The following MAP3K21 variants were observed in gnomAD, a reference collection of about 807,000 sequenced individuals.
MAP3K21 encodes the protein mitogen-activated protein kinase kinase kinase MLK4.
A neutral mutation model predicts 86.1 loss-of-function variants in MAP3K21; 63 were observed. The ratio of observed to expected loss-of-function variants is 0.73; its 90% CI spans 0.60 to 0.90. The LOEUF (loss-of-function observed/expected upper bound fraction) is 0.90. Among genes scored for constraint, MAP3K21 ranks in the 40% least tolerant of loss-of-function variants. MAP3K21 has a pLI of 0.00. For missense variants in MAP3K21, 1,220 were observed against 1,367.7 expected (o/e 0.89, Z 1.70); for synonymous variants, 558 against 564.8 (o/e 0.99, Z 0.17).
chr1:233,362,989 A>G (rs1367063956), intron 5 of MAP3K21, among the ~76,000 whole-genome samples: 1 of 152,188 alleles, frequency 6.6e-6, no homozygotes, highest in Non-Finnish European at 1.5e-5. Flanking sequence ...TATAGCAGAC[A>G]TAGCTTGATT....
intron 2 of MAP3K21, among the ~76,000 whole-genome samples, chr1:233,351,085 TTTAG>T (rs1196057160): frequency 7.2e-6 from 1 of 139,722 alleles, no homozygotes; most frequent in African/African-American, 2.7e-5. Flanking sequence ...TTTAGACAAT[TTTAG>T]TTATTCTATG....
In MAP3K21 at chr1:233,379,647, GCTT is replaced by G. The variant is rs1326570595; in HGVS notation, c.2646_2648del (p.Ser883del). 1 of 1,613,806 alleles carries G rather than the reference GCTT, an allele frequency of 6.2e-7. No homozygotes were observed. Among genetic ancestry groups the G allele is most frequent in the African/African-American group, 1.3e-5 (1 of 74,916 alleles). Reference sequence around the variant, plus strand: ...GACATGTGGGAATGTACCTTACTGTGCTTCTTCAAAACATAGACCGTCACATCA... The same window carrying G: ...GACATGTGGGAATGTACCTTACTGTGCTTCAAAACATAGACCGTCACATCA... On this transcript the variant is annotated inframe_deletion, in exon 9 of 10. Coordinates refer to ENST00000366624, the MANE Select transcript of MAP3K21 (RefSeq NM_032435.3).
chr1:233,366,535 G>C (rs946503121), intron 5 of MAP3K21, among the ~76,000 whole-genome samples: 8 of 152,102 alleles, frequency 5.3e-5, no homozygotes, highest in African/African-American at 1.9e-4. Context: ...ATGGCACACT[G>C]TTCAGGGAGA....
chr1:233,356,247 A>C (rs138386166), intron 4 of MAP3K21, among the ~76,000 whole-genome samples: 45 of 152,258 alleles, frequency 3.0e-4, no homozygotes, highest in Middle Eastern at 3.4e-3. Context: ...CTGTATTAAT[A>C]CTTGCTGACG....
At chr1:233,361,837 C>T (rs753200462) in intron 4 of MAP3K21, among the ~76,000 whole-genome samples, 5 of 152,104 alleles carry the variant, frequency 3.3e-5, no homozygotes, top group Non-Finnish European at 7.4e-5. Context: ...GTGAATAATC[C>T]GCTGAAAAGG....
chr1:233,382,176 G>GT, intron 9 of MAP3K21, 129 bp from the exon 10 acceptor site: 1 of 828,730 alleles, frequency 1.2e-6, no homozygotes, highest in South Asian at 1.8e-5. Flanking sequence ...GTGAATGCAT[G>GT]TTTTTTGTTG....
chr1:233,354,004 T>C, intron 3 of MAP3K21, 49 bp downstream of exon 3: 2 of 1,387,116 alleles, frequency 1.4e-6, no homozygotes, highest in Non-Finnish European at 1.9e-6. Context: ...AATTTCTCAT[T>C]AGAATATCAT....
In MAP3K21 at chr1:233,379,381, C is replaced by G; in HGVS notation, c.2375C>G (p.Ser792Cys). ...TGTGGGGAGGCCAGCAGCCCACCCTCCCTGCCACTGTCAAGTGCCCTGGGC... is the reference window on the plus strand; with the variant it reads ...TGTGGGGAGGCCAGCAGCCCACCCTGCCTGCCACTGTCAAGTGCCCTGGGC... ...STCGEASSPP[S>C]LPLSSALGIL... Residue 792 changes from serine (S) to cysteine (C), a missense_variant, in exon 9 of 10, where the codon TCC (serine) becomes TGC (cysteine). Ser to Cys is a moderately radical substitution (Grantham distance 112, BLOSUM62 -1). Transcript: ENST00000366624. 1.9e-6 allele frequency: 3 copies of G among 1,614,212 alleles called. No individual in the cohort carries two copies. The highest frequency in any genetic ancestry group is 2.5e-6 in the Non-Finnish European group (3 of 1,180,020).
At chr1:233,364,154 G>A (rs1242745313) in intron 5 of MAP3K21, among the ~76,000 whole-genome samples, 1 of 151,574 alleles carries the variant, frequency 6.6e-6, no homozygotes, top group Non-Finnish European at 1.5e-5. Flanking sequence ...CAACCTCTCT[G>A]GGGTTGGGTG....
chr1:233,346,544 GC>G lies in MAP3K21; in HGVS notation c.909del (p.Ser303ArgfsTer13). 1 of 1,614,002 alleles carries G rather than the reference GC, an allele frequency of 6.2e-7. No homozygotes were observed. The highest frequency in any genetic ancestry group is 1.3e-5 in the African/African-American group (1 of 75,028). ...AREWHRTTKMSTAGTYAWMAP... is the reference protein window; with the variant it reads ...AREWHRTTKMXTAGTYAWMAP... ...GAATGGCACAGGACCACCAAAATGAGCACAGCAGGCACCTATGCCTGGATGG... is the reference window on the plus strand; with the variant it reads ...GAATGGCACAGGACCACCAAAATGAGACAGCAGGCACCTATGCCTGGATGG... On this transcript the variant is annotated frameshift_variant, in exon 2 of 10. Transcript: ENST00000366624. LOFTEE classifies it high-confidence loss of function.
chr1:233,376,504 C>T lies in MAP3K21; in HGVS notation c.1901C>T (p.Ala634Val), dbSNP rs758374883. Residue 634 changes from alanine (A) to valine (V), a missense_variant, in exon 8 of 10, where the codon GCT becomes GTT. Physicochemically the swap from Ala to Val is moderately conservative, Grantham distance 64. Transcript: ENST00000366624. ...LIKNQKTMPLASLFVDQPGSC... is the reference protein window; with the variant it reads ...LIKNQKTMPLVSLFVDQPGSC... Reference sequence around the variant, plus strand: ...AAAAATCAGAAAACCATGCCCTTGGCTTCATTGTTTGTGGACCAGCCAGGT... The same window carrying T: ...AAAAATCAGAAAACCATGCCCTTGGTTTCATTGTTTGTGGACCAGCCAGGT... The T allele has an allele frequency of 8.1e-6, 13 of 1,613,370 alleles. 1 individual carries two copies. In the Admixed American group the frequency reaches 2.2e-4, roughly 27 times the overall value.
intron 9 of MAP3K21, among the ~76,000 whole-genome samples, chr1:233,381,142 T>C (rs1663905780): frequency 1.3e-5 from 2 of 152,366 alleles, no homozygotes; most frequent in South Asian, 2.1e-4. Context: ...TGTTTGAATG[T>C]CTTAAAAAGC....
At chr1:233,358,426 T>C (rs1385399927) in intron 4 of MAP3K21, among the ~76,000 whole-genome samples, 1 of 151,836 alleles carries the variant, frequency 6.6e-6, no homozygotes, top group African/African-American at 2.4e-5. Context: ...CTTGGAAACT[T>C]TTATGCACTT....
In MAP3K21 at chr1:233,362,516, C is replaced by G. The variant is rs568510481; in HGVS notation, c.1552+223C>G. On this transcript the variant is annotated intron_variant, in intron 5 of 9. Coordinates refer to ENST00000366624, the MANE Select transcript of MAP3K21 (RefSeq NM_032435.3). ...AGGAGCACGTGGTAGTCACAGCACA[C>G]GAGGATCTAACCCTCAGCGTACTTT... Among the ~76,000 whole-genome samples, 26 of 152,274 alleles carry G rather than the reference C, an allele frequency of 1.7e-4. No individual in the cohort carries two copies. In the South Asian group the frequency reaches 2.3e-3, roughly 13 times the overall value.
At chr1:233,335,906 T>C (rs888220233) in intron 1 of MAP3K21, among the ~76,000 whole-genome samples, 2 of 152,218 alleles carry the variant, frequency 1.3e-5, no homozygotes, top group African/African-American at 2.4e-5. Flanking sequence ...TTCACTTTAA[T>C]GCCAGACTTT....
At chr1:233,333,440 T>C (rs1662849434) in intron 1 of MAP3K21, among the ~76,000 whole-genome samples, 1 of 152,166 alleles carries the variant, frequency 6.6e-6, no homozygotes, top group Non-Finnish European at 1.5e-5. Flanking sequence ...TTTTCATGTT[T>C]GCGTATTAAA....
At chr1:233,333,088 T>C (rs1467267025) in intron 1 of MAP3K21, among the ~76,000 whole-genome samples, 1 of 152,224 alleles carries the variant, frequency 6.6e-6, no homozygotes, top group Non-Finnish European at 1.5e-5. Flanking sequence ...GTTTTAGCTT[T>C]TTTTCATTAG....
At chr1:233,376,668 C>T (rs1457475773) in intron 8 of MAP3K21, 141 bp downstream of exon 8, 1 of 565,820 alleles carries the variant, frequency 1.8e-6, no homozygotes, top group Non-Finnish European at 3.1e-6. Flanking sequence ...TATAGCTTTA[C>T]TTAAATTCAG....
chr1:233,353,837 C>T lies in MAP3K21; in HGVS notation c.1017C>T (p.Thr339=), dbSNP rs373750664. ...SYGVLLWELL[T]GEVPYRGIDG... ...GAGTGCTGCTGTGGGAACTGCTCAC[C>T]GGAGAAGTCCCCTATCGGGGCATTG... The change falls in exon 3 of 10, where the codon ACC becomes ACT. Residue 339 remains threonine (T), a synonymous_variant. Transcript: ENST00000366624. 32 of 1,607,790 alleles carry T rather than the reference C, an allele frequency of 2.0e-5. No homozygotes were observed. Among genetic ancestry groups the T allele is most frequent in the Middle Eastern group, 1.7e-4 (1 of 6,044 alleles).
Sources: allele counts gnomAD v4.1 joint callset (sites outside exome capture counted in the v4.1 genomes callset), GRCh38; gene constraint gnomAD v4.1.1; transcripts MANE v1.5; gene names NCBI Gene and HGNC (gene_info 2026-07-23, HGNC 2026-07-21).